IKZF3: variants seen among roughly 807,000 people sequenced by gnomAD.
IKZF3 encodes the protein IKAROS family zinc finger 3, also known as zinc finger protein Aiolos.
IKZF3 carries 10 observed loss-of-function variants against 49.0 expected under a neutral mutation model. The observed-to-expected ratio is 0.20, with a 90% CI of 0.13 to 0.35. The LOEUF (loss-of-function observed/expected upper bound fraction) is 0.35, where lower values mean the gene tolerates loss of function less well. Among genes scored for constraint, IKZF3 ranks in the 10% least tolerant of loss-of-function variants. IKZF3 has a pLI of 1.00. For missense variants in IKZF3, 498 were observed against 664.8 expected (o/e 0.75, Z 2.76); for synonymous variants, 209 against 228.2 (o/e 0.92, Z 0.76).
At chr17:39,822,037 G>A (rs1481629035) in intron 3 of IKZF3, among the ~76,000 whole-genome samples, 1 of 152,138 alleles carries the variant, frequency 6.6e-6, no homozygotes, top group African/African-American at 2.4e-5. Context: ...CACAGAGCAG[G>A]TCATTCCTAA....
chr17:39,781,422 G>A (rs2060738066), intron 6 of IKZF3, among the ~76,000 whole-genome samples: 1 of 152,106 alleles, frequency 6.6e-6, no homozygotes, highest in Non-Finnish European at 1.5e-5. Flanking sequence ...CAACCCTGTA[G>A]TTATCAACAA....
chr17:39,800,352 C>T (rs1330837899), intron 3 of IKZF3, among the ~76,000 whole-genome samples: 1 of 152,044 alleles, frequency 6.6e-6, no homozygotes, highest in Non-Finnish European at 1.5e-5. Flanking sequence ...ATTCTTTAAT[C>T]TATACATGTA....
intron 1 of IKZF3, among the ~76,000 whole-genome samples, chr17:39,832,838 G>A (rs957305059): frequency 4.6e-5 from 7 of 151,972 alleles, no homozygotes; most frequent in African/African-American, 7.3e-5. Context: ...TAACAACGAC[G>A]TATTATATAT....
chr17:39,851,935 C>T lies in IKZF3; in HGVS notation c.7+12185G>A, dbSNP rs542237890. 1.6e-3 allele frequency among the ~76,000 whole-genome samples: 241 copies of T among 151,968 alleles called. 1 individual carries two copies. Among genetic ancestry groups the T allele is most frequent in the Middle Eastern group, 6.8e-3 (2 of 294 alleles). ...ATCTCAAGAGTTTCTCATGATTTTG[C>T]TACAGAATTTTTATAAGTTGCATCT... is the stretch of plus-strand genomic sequence containing the variant. On this transcript the variant is annotated intron_variant, in intron 1 of 7. Transcript: ENST00000346872.
chr17:39,802,059 A>G (rs553626056), intron 3 of IKZF3, among the ~76,000 whole-genome samples: 8 of 151,658 alleles, frequency 5.3e-5, no homozygotes, highest in African/African-American at 1.9e-4. Flanking sequence ...TGTCTCTACT[A>G]AAAATATAAA....
At chr17:39,849,685 G>A (rs910144519) in intron 1 of IKZF3, among the ~76,000 whole-genome samples, 6 of 151,630 alleles carry the variant, frequency 4.0e-5, no homozygotes, top group African/African-American at 1.5e-4. Flanking sequence ...ACAAAAAAAC[G>A]TGAATGACCA....
At chr17:39,841,356 T>G (rs1365698789) in intron 1 of IKZF3, among the ~76,000 whole-genome samples, 2 of 152,100 alleles carry the variant, frequency 1.3e-5, no homozygotes, top group East Asian at 3.9e-4. Flanking sequence ...CACTAGAGGC[T>G]AAATGGAATG....
chr17:39,849,299 G>T (rs1261568483), intron 1 of IKZF3, among the ~76,000 whole-genome samples: 1 of 110,442 alleles, frequency 9.1e-6, no homozygotes, highest in African/African-American at 3.8e-5. Flanking sequence ...AGCCAGGTGT[G>T]ATAGCACCTG....
intron 1 of IKZF3, chr17:39,835,439 CCT>C: frequency 2.1e-6 from 1 of 465,168 alleles, no homozygotes; most frequent in Non-Finnish European, 4.3e-6. Context: ...CCTTTGAGGC[CCT>C]CTGTCTCAGA....
At position 39,760,131 on chromosome 17, in the gene IKZF3, A is replaced by G. The variant is rs1292695293; in HGVS notation, c.*5659T>C. On this transcript the variant is annotated 3_prime_UTR_variant, in exon 8 of 8. Transcript: ENST00000346872. ...CTTATCACCTGGGATTATATGTAAC[A>G]GTACTATTTTTTTCCTTAAAACATT... 8.3e-6 allele frequency: 1 copy of G among 120,880 alleles called. No homozygotes were observed. Among genetic ancestry groups the G allele is most frequent in the Non-Finnish European group, 1.7e-5 (1 of 57,480 alleles). 7.5% of individuals were successfully genotyped at this position (120,880 alleles called of 1,614,324 possible).
intron 1 of IKZF3, among the ~76,000 whole-genome samples, chr17:39,844,415 C>T (rs2062568431): frequency 6.6e-6 from 1 of 152,180 alleles, no homozygotes; most frequent in African/African-American, 2.4e-5. Context: ...TTCCCCCTGA[C>T]TATAATGCTT....
Position 39,791,616 on chromosome 17 carries a change from C to A in IKZF3, c.425-33G>T. ...AAGGACAAAAAAGGAGATTTCTGGT[C>A]ACAGGCAAGTGGAGAAACATATGCA... On this transcript the variant is annotated intron_variant, in intron 4 of 7. Coordinates refer to ENST00000346872, the MANE Select transcript of IKZF3 (RefSeq NM_012481.5). 6 of 1,609,438 alleles carry A rather than the reference C, an allele frequency of 3.7e-6. No individual in the cohort carries two copies. In the South Asian group the frequency reaches 5.5e-5, roughly 15 times the overall value.
At position 39,759,538 on chromosome 17, in the gene IKZF3, GCA is replaced by G. The variant is rs1171182437; in HGVS notation, c.*6250_*6251del. On this transcript the variant is annotated 3_prime_UTR_variant, in exon 8 of 8. Transcript: ENST00000346872. ...TATCTACAGCTGGGGCAAGGGAGAGGCACAGTCTTGTGTTACTTTACAAGCTC... is the reference window on the plus strand; with the variant it reads ...TATCTACAGCTGGGGCAAGGGAGAGGCAGTCTTGTGTTACTTTACAAGCTC... 1 of 152,196 alleles carries G rather than the reference GCA, an allele frequency of 6.6e-6. No homozygotes were observed. The allele number at this position is 152,196 out of a possible 1,614,324, so 9.4% of individuals were successfully genotyped here. A position where few individuals can be genotyped will look rare whatever the true frequency, so the allele number is the denominator to read the frequency against.
intron 5 of IKZF3, 107 bp from the exon 6 acceptor site, chr17:39,788,481 A>G (rs1165336270): frequency 2.8e-6 from 2 of 706,606 alleles, no homozygotes; most frequent in African/African-American, 1.8e-5. Flanking sequence ...TGCTGAGTGA[A>G]GCCAGAGTAT....
chr17:39,847,785 T>C (rs2062677645), intron 1 of IKZF3, among the ~76,000 whole-genome samples: 1 of 152,034 alleles, frequency 6.6e-6, no homozygotes, highest in South Asian at 2.1e-4. Context: ...ATACAAATAA[T>C]GACAAAAAAC....
In IKZF3 at chr17:39,765,517, G is replaced by T; in HGVS notation, c.*273C>A. 1 of 373,832 alleles carries T rather than the reference G, an allele frequency of 2.7e-6. No individual in the cohort carries two copies. The highest frequency in any genetic ancestry group is 4.9e-6 in the Non-Finnish European group (1 of 204,772). The allele number at this position is 373,832 out of a possible 1,614,324, so 23.2% of individuals were successfully genotyped here. On this transcript the variant is annotated 3_prime_UTR_variant, in exon 8 of 8. Coordinates refer to ENST00000346872, the MANE Select transcript of IKZF3 (RefSeq NM_012481.5). ...GACCACTCATTCCACTGCTGTAGAA[G>T]ATAATGACCAAATACCTTTTTGGCT...
intron 1 of IKZF3, among the ~76,000 whole-genome samples, chr17:39,833,902 ACTAT>A (rs1400248052): frequency 3.3e-5 from 5 of 152,296 alleles, no homozygotes; most frequent in South Asian, 2.1e-4. Context: ...ATACATTATT[ACTAT>A]CTAAGTATTC....
chr17:39,811,021 C>T (rs1348209045), intron 3 of IKZF3, among the ~76,000 whole-genome samples: 1 of 152,020 alleles, frequency 6.6e-6, no homozygotes, highest in Non-Finnish European at 1.5e-5. Flanking sequence ...GAGAAGATCA[C>T]TTGAGTCTAG....
At chr17:39,780,491 G>T (rs1015345139) in intron 6 of IKZF3, among the ~76,000 whole-genome samples, 1 of 152,038 alleles carries the variant, frequency 6.6e-6, no homozygotes, top group South Asian at 2.1e-4. Context: ...AGGTTCCAAA[G>T]TTGCTGGGAC....
Sources: gnomAD v4.1 joint callset for allele counts (sites outside exome capture counted in the v4.1 genomes callset) on GRCh38, gnomAD v4.1.1 for gene constraint, MANE v1.5 for transcripts, NCBI Gene and HGNC (gene_info 2026-07-23, HGNC 2026-07-21) for gene names.